DNAH9: variants seen among roughly 807,000 people sequenced by gnomAD.
The protein encoded by DNAH9 is dynein axonemal heavy chain 9.
DNAH9 carries 345 observed loss-of-function variants against 471.6 expected under a neutral mutation model. The observed-to-expected ratio is 0.73, with a 90% CI of 0.67 to 0.80. The LOEUF is 0.80. Ranked by LOEUF, DNAH9 falls within the 30% of genes least tolerant of loss-of-function variation. DNAH9 has a pLI of 0.00. For synonymous variants in DNAH9, 2,093 were observed against 2,123.6 expected, an observed-to-expected ratio of 0.99 and a Z score of 0.40; for missense variants, 5,407 against 5,609.2, an observed-to-expected ratio of 0.96 and a Z score of 1.15.
chr17:11,655,457 T>TG lies in DNAH9; in HGVS notation c.2595+2457dup, dbSNP rs2073621881. The stretch of plus-strand genomic sequence containing the variant: ...TTCTGTTCATGGAGCTTCTGTTCAG[T>TG]GGTTTTTGTCTAAAAATATTTAAAT... On this transcript the variant is annotated intron_variant, in intron 14 of 68. Coordinates refer to ENST00000262442, the MANE Select transcript of DNAH9 (RefSeq NM_001372.4). Among the ~76,000 whole-genome samples the TG allele has an allele frequency of 2.0e-5, 3 of 151,978 alleles. No homozygotes were observed. In the South Asian group the frequency reaches 6.2e-4, roughly 32 times the overall value.
chr17:11,925,332 C>T, intron 62 of DNAH9: 1 of 373,672 alleles, frequency 2.7e-6, no homozygotes, highest in Non-Finnish European at 5.3e-6. Context: ...TGAACCTCCC[C>T]CATCTCCTGA....
chr17:11,777,504 A>G (rs566828132), intron 38 of DNAH9, among the ~76,000 whole-genome samples: 26 of 152,360 alleles, frequency 1.7e-4, no homozygotes, highest in South Asian at 4.1e-4. Flanking sequence ...AAAAGTAGGA[A>G]CAAAGAGCTT....
At position 11,742,180 on chromosome 17, in the gene DNAH9, G is replaced by A. The variant is rs768532514; in HGVS notation, c.5978G>A (p.Cys1993Tyr). The A allele has an allele frequency of 6.2e-7, 1 of 1,614,038 alleles. No individual in the cohort carries two copies. The highest frequency in any genetic ancestry group is 1.1e-5 in the South Asian group (1 of 91,076). The change falls in exon 30 of 69, where the codon TGT (cysteine) becomes TAT (tyrosine). Residue 1993 changes from cysteine (C) to tyrosine (Y), a missense_variant. Coordinates refer to ENST00000262442, the MANE Select transcript of DNAH9 (RefSeq NM_001372.4). ...TTCTGTCTTTCTATACTCAGGCCTT[G>A]TGCAATGGTGGTTCCAGACTTTGAA... ...PENLKSLFRPCAMVVPDFELI... is the reference protein window; with the variant it reads ...PENLKSLFRPYAMVVPDFELI...
intron 44 of DNAH9, among the ~76,000 whole-genome samples, chr17:11,809,750 T>C (rs1333639693): frequency 6.6e-6 from 1 of 152,080 alleles, no homozygotes; most frequent in East Asian, 1.9e-4. Context: ...ACATACTTAC[T>C]TATATGTAAG....
At chr17:11,747,462 C>G in intron 31 of DNAH9, 94 bp from the exon 32 acceptor site, 1 of 950,048 alleles carries the variant, frequency 1.1e-6, no homozygotes, top group Non-Finnish European at 1.7e-6. Context: ...GACTTCAGGT[C>G]TCACTTCAGA....
rs1410770284 is a variant in DNAH9, at chr17:11,763,530, T to C, written c.7086T>C (p.Pro2362=). The C allele has an allele frequency of 1.2e-6, 2 of 1,614,002 alleles. No homozygotes were observed. Among genetic ancestry groups the C allele is most frequent in the East Asian group, 4.5e-5 (2 of 44,880 alleles). ...GTCTCCTGACCACGGAGGACATCCC[T>C]GCAGACTGCCCTAAGGAAATTTATG... ...LECLLTTEDI[P]ADCPKEIYEH... is the part of the protein sequence containing the mutation. The change falls in exon 36 of 69, where the codon CCT becomes CCC. Residue 2362 remains proline, a synonymous_variant. Coordinates refer to ENST00000262442, the MANE Select transcript of DNAH9 (RefSeq NM_001372.4).
chr17:11,872,876 C>A (rs1003385949), intron 52 of DNAH9, among the ~76,000 whole-genome samples: 1 of 152,202 alleles, frequency 6.6e-6, no homozygotes, highest in Non-Finnish European at 1.5e-5. Flanking sequence ...GCCAAGATAG[C>A]ACCACTGCAC....
intron 27 of DNAH9, among the ~76,000 whole-genome samples, chr17:11,726,414 C>T (rs1269308749): frequency 6.6e-6 from 1 of 152,122 alleles, no homozygotes; most frequent in Non-Finnish European, 1.5e-5. Flanking sequence ...TAGGCCAAAA[C>T]GGGTTGAAGA....
intron 4 of DNAH9, among the ~76,000 whole-genome samples, chr17:11,614,721 T>G (rs1002026561): frequency 6.6e-6 from 1 of 152,162 alleles, no homozygotes; most frequent in Non-Finnish European, 1.5e-5. Context: ...AGATGGCGCC[T>G]TGTTGCTGCA....
intron 26 of DNAH9, among the ~76,000 whole-genome samples, chr17:11,707,930 C>T (rs1364850637): frequency 6.8e-6 from 1 of 148,050 alleles, no homozygotes; most frequent in Non-Finnish European, 1.5e-5. Flanking sequence ...CCTTCCCTGA[C>T]CACTGTTTCT....
intron 27 of DNAH9, among the ~76,000 whole-genome samples, chr17:11,721,663 G>A (rs1597541905): frequency 6.6e-6 from 1 of 152,078 alleles, no homozygotes; most frequent in East Asian, 1.9e-4. Context: ...ATGGTAGATG[G>A]ATTTTAGGTA....
chr17:11,633,796 T>A (rs2073110886), intron 8 of DNAH9, among the ~76,000 whole-genome samples: 2 of 152,176 alleles, frequency 1.3e-5, no homozygotes, highest in South Asian at 4.1e-4. Context: ...ATCACATAGA[T>A]CCCTCTCTAC....
chr17:11,625,730 C>A (rs2150665858), intron 6 of DNAH9, among the ~76,000 whole-genome samples: 1 of 152,332 alleles, frequency 6.6e-6, no homozygotes, highest in South Asian at 2.1e-4. Context: ...CCATTAAGTG[C>A]TGCACGGTTT....
Position 11,875,050 on chromosome 17 carries a change from G to C in DNAH9, c.10344G>C (p.Met3448Ile). ...WQNEGLPADR[M>I]SVENATILIN... ...ACGAGGGCCTCCCAGCCGACCGCAT[G>C]TCCGTGGAGAATGCCACCATTCTCA... Residue 3448 changes from methionine to isoleucine, a missense_variant, in exon 53 of 69, where the codon ATG (methionine) becomes ATC (isoleucine). Coordinates refer to ENST00000262442, the MANE Select transcript of DNAH9 (RefSeq NM_001372.4). 6.2e-7 allele frequency: 1 copy of C among 1,614,150 alleles called. No individual in the cohort carries two copies. The highest frequency in any genetic ancestry group is 1.3e-5 in the African/African-American group (1 of 75,038).
chr17:11,601,521 T>C (rs2072387812), intron 1 of DNAH9, among the ~76,000 whole-genome samples: 1 of 152,238 alleles, frequency 6.6e-6, no homozygotes, highest in African/African-American at 2.4e-5. Flanking sequence ...ATGTATTACC[T>C]ATTTTAAAAC....
intron 26 of DNAH9, among the ~76,000 whole-genome samples, chr17:11,718,157 G>A (rs913399138): frequency 3.9e-5 from 6 of 152,294 alleles, no homozygotes; most frequent in South Asian, 4.1e-4. Context: ...GATTACAGAT[G>A]TGAGCCACTA....
rs1412815720 is a variant in DNAH9, at chr17:11,748,139, C to A, written c.6610+373C>A. On this transcript the variant is annotated intron_variant, in intron 32 of 68. Transcript: ENST00000262442. ...CCAATATGGTGAAACCCTGTCTCTA[C>A]TAAAAATACAAAAAAAAAAAAAAAA... 1.1e-4 allele frequency among the ~76,000 whole-genome samples: 9 copies of A among 84,140 alleles called. 1 individual carries two copies. In the East Asian group the frequency reaches 1.9e-3, roughly 17 times the overall value. 55.2% of individuals were successfully genotyped at this position (84,140 alleles called of 152,430 possible). A position where few individuals can be genotyped will look rare whatever the true frequency, so the allele number is the denominator to read the frequency against.
At position 11,647,190 on chromosome 17, in the gene DNAH9, A is replaced by C. The variant is rs760123465; in HGVS notation, c.2089A>C (p.Asn697His). 1.9e-6 allele frequency: 3 copies of C among 1,614,000 alleles called. No homozygotes were observed. The highest frequency in any genetic ancestry group is 2.5e-6 in the Non-Finnish European group (3 of 1,179,914). Residue 697 changes from asparagine to histidine, a missense_variant, in exon 12 of 69, where the codon AAC (asparagine) becomes CAC (histidine). Asn to His is a moderately conservative substitution (Grantham distance 68, BLOSUM62 1). Around this residue, in one of 3 missense-constraint regions of DNAH9, gnomAD observed 4,636 missense variants for 4,900.3 expected, o/e 0.95. Transcript: ENST00000262442. ...GACGAAGGAGATCACTATCAACTTT[A>C]ACCCACAGGTCAGTTGGCTGACAGT... ...PETKEITINF[N>H]PQLISVLKEM...
At position 11,880,106 on chromosome 17, in the gene DNAH9, G is replaced by C; in HGVS notation, c.10507G>C (p.Glu3503Gln). 1 of 1,614,054 alleles carries C rather than the reference G, an allele frequency of 6.2e-7. No homozygotes were observed. Among genetic ancestry groups the C allele is most frequent in the Non-Finnish European group, 8.5e-7 (1 of 1,179,956 alleles). Residue 3503 changes from glutamate to glutamine, a missense_variant, in exon 54 of 69, where the codon GAA (glutamate) becomes CAA (glutamine). Glu to Gln is a conservative substitution (Grantham distance 29). Coordinates refer to ENST00000262442, the MANE Select transcript of DNAH9 (RefSeq NM_001372.4). Reference protein sequence around the residue: ...GYLQIIEQALEAGAVVLIENL... With the variant: ...GYLQIIEQALQAGAVVLIENL... ...CCTTCAAATCATAGAGCAGGCCCTG[G>C]AAGCTGGAGCTGTGGTGCTGATTGA...
Sources: allele counts gnomAD v4.1 joint callset (sites outside exome capture counted in the v4.1 genomes callset), GRCh38; gene constraint gnomAD v4.1.1; regional missense constraint gnomAD v4.1.1; transcripts MANE v1.5; gene names NCBI Gene and HGNC (gene_info 2026-07-23, HGNC 2026-07-21).